SRSF11: variants seen among roughly 807,000 people sequenced by gnomAD.
SRSF11 encodes the protein serine and arginine rich splicing factor 11.
SRSF11 carries 9 observed loss-of-function variants against 56.0 expected under a neutral mutation model. The observed-to-expected ratio is 0.16, with a 90% CI of 0.10 to 0.28. The LOEUF (loss-of-function observed/expected upper bound fraction) is 0.28. Among genes scored for constraint, SRSF11 ranks in the 10% least tolerant of loss-of-function variants. The pLI, the probability that SRSF11 is intolerant of heterozygous loss-of-function variation, is 1.00. For synonymous variants in SRSF11, 222 were observed against 215.3 expected (o/e 1.03, Z -0.27); for missense variants, 421 against 600.7 (o/e 0.70, Z 3.13).
At chr1:70,232,402 A>C (rs1558184053) in intron 3 of SRSF11, 25 bp downstream of exon 3, 9 of 1,567,666 alleles carry the variant, frequency 5.7e-6, no homozygotes, top group Non-Finnish European at 1.7e-6. Context: ...GAATTCTTAA[A>C]GGGTGGGGAA....
Position 70,231,445 on chromosome 1 carries a change from T to C in SRSF11, c.338-823T>C, listed in dbSNP as rs1672826860. Reference sequence around the variant, plus strand: ...ACAGATTAGGCTTTAAAAACAGATATATATGTCATTTTTGGCTTAAGGAGT... The same window carrying C: ...ACAGATTAGGCTTTAAAAACAGATACATATGTCATTTTTGGCTTAAGGAGT... On this transcript the variant is annotated intron_variant, in intron 2 of 11. Transcript: ENST00000370949. 3.8e-6 allele frequency: 4 copies of C among 1,056,916 alleles called. No homozygotes were observed. The South Asian group carries it at 9.2e-5, about 24-fold the overall frequency. The allele number at this position is 1,056,916 out of a possible 1,614,324, so 65.5% of individuals were successfully genotyped here.
chr1:70,244,383 C>T (rs2100959629), intron 7 of SRSF11, among the ~76,000 whole-genome samples: 1 of 152,064 alleles, frequency 6.6e-6, no homozygotes, highest in East Asian at 1.9e-4. Context: ...CTTTTATTCT[C>T]CTTCATGATC....
chr1:70,237,390 A>C (rs1440587829), intron 5 of SRSF11, 35 bp from the exon 6 acceptor site: 1 of 1,604,724 alleles, frequency 6.2e-7, no homozygotes. Context: ...TGCATTTTAA[A>C]ATATTTCAGA....
At chr1:70,237,733 C>T (rs983721673) in intron 6 of SRSF11, among the ~76,000 whole-genome samples, 181 bp downstream of exon 6, 7 of 152,178 alleles carry the variant, frequency 4.6e-5, no homozygotes, top group Non-Finnish European at 7.3e-5. Context: ...ACAGGAGTAC[C>T]AACTGCATCT....
chr1:70,213,078 G>A lies in SRSF11; in HGVS notation c.-26+7298G>A, dbSNP rs181766795. Among the ~76,000 whole-genome samples the A allele has an allele frequency of 2.6e-3, 402 of 152,232 alleles. 2 individuals are homozygous for A. Among genetic ancestry groups the A allele is most frequent in the Admixed American group, 7.1e-3 (109 of 15,284 alleles). ...AAAAAAAAATTTAAAAAGAAAAGAT[G>A]AGGAAATTGGAGAGTTTTTTCCGAC... is the stretch of plus-strand genomic sequence containing the variant. On this transcript the variant is annotated intron_variant, in intron 1 of 12. Transcript: ENST00000370950.
chr1:70,229,412 G>A (rs1672452555), intron 2 of SRSF11: 2 of 1,067,478 alleles, frequency 1.9e-6, no homozygotes, highest in South Asian at 2.6e-5. Context: ...AAAATGAGCA[G>A]GTTTTTTGGA....
At chr1:70,244,966 A>G in intron 8 of SRSF11, 151 bp downstream of exon 8, 1 of 689,308 alleles carries the variant, frequency 1.5e-6, no homozygotes, top group Non-Finnish European at 2.2e-6. Flanking sequence ...GAGGAGGCTG[A>G]CGTTTGCTTT....
At chr1:70,232,102 AT>A in intron 2 of SRSF11, 165 bp from the exon 3 acceptor site, 1 of 1,547,436 alleles carries the variant, frequency 6.5e-7, no homozygotes, top group Non-Finnish European at 8.7e-7. Context: ...TCATTCTGAC[AT>A]AAAATTAATG....
rs180790540 is a variant in SRSF11 at position 70,238,327 on chromosome 1, A to G, written c.718+775A>G. Reference sequence around the variant, plus strand: ...GTGTTCTAACTGCTGTTTATATTGAAAATATATGATTAAAGTGACTGAATG... The same window carrying G: ...GTGTTCTAACTGCTGTTTATATTGAGAATATATGATTAAAGTGACTGAATG... On this transcript the variant is annotated intron_variant, in intron 6 of 11. Transcript: ENST00000370949. 3.1e-3 allele frequency among the ~76,000 whole-genome samples: 469 copies of G among 152,316 alleles called. 2 individuals are homozygous for G. The highest frequency in any genetic ancestry group is 0.01 in the African/African-American group (422 of 41,576).
In SRSF11 at chr1:70,221,483, A is replaced by ACGGCGGCGG. The variant is rs532180578; in HGVS notation, c.-143_-135dup. 75 of 1,126,332 alleles carry ACGGCGGCGG rather than the reference A, an allele frequency of 6.7e-5. No homozygotes were observed. The highest frequency in any genetic ancestry group is 1.6e-4 in the South Asian group (10 of 61,194). The allele number at this position is 1,126,332 out of a possible 1,614,324, so 69.8% of individuals were successfully genotyped here. On this transcript the variant is annotated 5_prime_UTR_variant, in exon 1 of 12. Coordinates refer to ENST00000370949, the MANE Select transcript of SRSF11 (RefSeq NM_001350605.2). ...CCGCGGCGTGCGGCGGGGCGGAGAA[A>ACGGCGGCGG]CGGCGGCGGCGGCGGCGGCATCGGC...
chr1:70,230,730 A>G, intron 2 of SRSF11: 2 of 1,184,086 alleles, frequency 1.7e-6, no homozygotes, highest in Non-Finnish European at 1.1e-6. Flanking sequence ...CAGATCTTCT[A>G]TCAGGTGTCT....
intron 1 of SRSF11, among the ~76,000 whole-genome samples, chr1:70,206,910 G>C (rs370993864): frequency 2.0e-5 from 1 of 49,452 alleles, no homozygotes; most frequent in African/African-American, 8.1e-5. Flanking sequence ...TTTTTTTTTT[G>C]AGACAAAGTC....
Position 70,221,518 on chromosome 1 carries a change from A to C in SRSF11, c.-119A>C. 7.5e-7 allele frequency: 1 copy of C among 1,339,978 alleles called. No individual in the cohort carries two copies. Among genetic ancestry groups the C allele is most frequent in the Non-Finnish European group, 1.0e-6 (1 of 988,986 alleles). The allele number at this position is 1,339,978 out of a possible 1,614,324, so 83.0% of individuals were successfully genotyped here. A position where few individuals can be genotyped will look rare whatever the true frequency, so the allele number is the denominator to read the frequency against. On this transcript the variant is annotated 5_prime_UTR_variant, in exon 1 of 12. Transcript: ENST00000370949. Reference sequence around the variant, plus strand: ...CGGCGGCGGCATCGGCAGCAGTAGCAGAGGCTGTAGCATCGGACACCCTCC... The same window carrying C: ...CGGCGGCGGCATCGGCAGCAGTAGCCGAGGCTGTAGCATCGGACACCCTCC...
At chr1:70,216,150 A>T (rs545572257) in intron 1 of SRSF11, among the ~76,000 whole-genome samples, 1 of 152,308 alleles carries the variant, frequency 6.6e-6, no homozygotes, top group Admixed American at 6.5e-5. Flanking sequence ...GAAGCTTGAG[A>T]TGGAAAAGAA....
intron 8 of SRSF11, 136 bp from the exon 9 acceptor site, chr1:70,246,682 A>G: frequency 2.0e-6 from 1 of 492,746 alleles, no homozygotes; most frequent in Non-Finnish European, 3.6e-6. Flanking sequence ...TTATTTTTAA[A>G]ACAGTTTCTG....
intron 7 of SRSF11, among the ~76,000 whole-genome samples, chr1:70,244,206 T>C (rs545264658): frequency 3.3e-5 from 5 of 152,302 alleles, no homozygotes; most frequent in African/African-American, 1.2e-4. Flanking sequence ...GAAATAATAG[T>C]GGCATTTACT....
chr1:70,224,908 A>G (rs1418963341), intron 1 of SRSF11, among the ~76,000 whole-genome samples: 1 of 152,210 alleles, frequency 6.6e-6, no homozygotes, highest in Non-Finnish European at 1.5e-5. Flanking sequence ...TGCTTTCTAA[A>G]TGTACCTTAA....
upstream of SRSF11, chr1:70,221,302 G>C (rs1670539224): frequency 6.4e-6 from 2 of 311,750 alleles, no homozygotes; most frequent in South Asian, 1.0e-4. Flanking sequence ...TGCAGGCGAC[G>C]GCTGCTGGGC....
chr1:70,244,743 C>A lies in SRSF11; in HGVS notation c.860C>A (p.Ser287Tyr). ...SHSKSRSRRR[S>Y]KSPRRRRSHS... is the part of the protein sequence containing the mutation. ...TCTAAGTCTAGGAGTCGGCGACGAT[C>A]CAAAAGCCCAAGGCGGAGAAGATCT... Residue 287 changes from serine to tyrosine, a missense_variant, in exon 8 of 12, where the codon TCC (serine) becomes TAC (tyrosine). Ser to Tyr is a moderately radical substitution (Grantham distance 144). Around this residue, in one of 2 missense-constraint regions of SRSF11, gnomAD observed 253 missense variants for 305.8 expected, o/e 0.83. Transcript: ENST00000370949. The A allele has an allele frequency of 1.2e-6, 2 of 1,614,094 alleles. No individual in the cohort carries two copies. The highest frequency in any genetic ancestry group is 1.7e-6 in the Non-Finnish European group (2 of 1,180,002).
Sources: allele counts gnomAD v4.1 joint callset (sites outside exome capture counted in the v4.1 genomes callset), GRCh38; gene constraint gnomAD v4.1.1; regional missense constraint gnomAD v4.1.1; transcripts MANE v1.5; gene names NCBI Gene and HGNC (gene_info 2026-07-23, HGNC 2026-07-21).